Variants in RUNX1 observed in about 807,000 individuals in gnomAD.
The protein encoded by RUNX1 is runt-related transcription factor 1.
Under a neutral mutation model 42.8 loss-of-function variants are expected in RUNX1, and 19 were observed. The observed-to-expected ratio is 0.44, with a 90% CI of 0.31 to 0.65. The LOEUF (loss-of-function observed/expected upper bound fraction) is 0.65, where lower values mean the gene tolerates loss of function less well. RUNX1 is among the 30% of genes least tolerant of loss of function. The pLI, the probability that RUNX1 is intolerant of heterozygous loss-of-function variation, is 0.07. For missense variants in RUNX1, 528 were observed against 672.0 expected, an observed-to-expected ratio of 0.79 and a Z score of 2.37; for synonymous variants, 271 against 289.4, an observed-to-expected ratio of 0.94 and a Z score of 0.64.
At chr21:34,798,514 G>A (rs1439876531) in intron 8 of RUNX1, among the ~76,000 whole-genome samples, 2 of 151,996 alleles carry the variant, frequency 1.3e-5, no homozygotes, top group Admixed American at 1.3e-4. Context: ...TATGAACAGC[G>A]CTTAGTTGGA....
intron 5 of RUNX1, among the ~76,000 whole-genome samples, chr21:34,874,744 T>C (rs2057790471): frequency 6.7e-6 from 1 of 149,860 alleles, no homozygotes; most frequent in Admixed American, 6.7e-5. Context: ...TTCTCCACCC[T>C]CTCTTGCCCC....
At chr21:35,002,678 T>C (rs556336657) in intron 2 of RUNX1, among the ~76,000 whole-genome samples, 29 of 152,236 alleles carry the variant, frequency 1.9e-4, no homozygotes, top group Admixed American at 9.2e-4. Context: ...TCCATCTGCC[T>C]TGCCCTCCCA....
At chr21:34,951,802 T>G (rs1462690073) in intron 2 of RUNX1, among the ~76,000 whole-genome samples, 1 of 152,156 alleles carries the variant, frequency 6.6e-6, no homozygotes, top group Non-Finnish European at 1.5e-5. Context: ...GTTAAACCAT[T>G]GTGGAAGACA....
Position 34,791,699 on chromosome 21 carries a change from C to G in RUNX1, c.*436G>C, listed in dbSNP as rs369123316. 35 of 231,078 alleles carry G rather than the reference C, an allele frequency of 1.5e-4. No homozygotes were observed. The highest frequency in any genetic ancestry group is 4.3e-4 in the East Asian group (7 of 16,332). The allele number at this position is 231,078 out of a possible 1,614,324, so 14.3% of individuals were successfully genotyped here. On this transcript the variant is annotated 3_prime_UTR_variant, in exon 9 of 9. Transcript: ENST00000675419. ...GCGAGTTGCATCCCTCCTCTCCCCC[C>G]ACCCCAACCAAAATTCCACACTCTT...
chr21:34,941,512 A>G (rs1387497400), intron 2 of RUNX1, among the ~76,000 whole-genome samples: 2 of 152,246 alleles, frequency 1.3e-5, no homozygotes, highest in African/African-American at 4.8e-5. Context: ...CTACACAAAC[A>G]TGGGACCAAA....
rs1465999899 is a variant in RUNX1, at chr21:34,901,378, C to T, written c.59-8415G>A. Among the ~76,000 whole-genome samples, 4 of 151,894 alleles carry T rather than the reference C, an allele frequency of 2.6e-5. No individual in the cohort carries two copies. Among genetic ancestry groups the T allele is most frequent in the Non-Finnish European group, 5.9e-5 (4 of 67,982 alleles). ...TAAAAAAAGTAGCTGGGCGTGGTGG[C>T]GGCGCGTGCCTGTAGTCCCAGCTAC... On this transcript the variant is annotated intron_variant, in intron 2 of 8. Coordinates refer to ENST00000675419, the MANE Select transcript of RUNX1 (RefSeq NM_001754.5). The surrounding 1 kb of genome is among the most constrained non-coding windows in gnomAD (Gnocchi z 4.3).
chr21:34,819,121 T>G (rs775685284), intron 7 of RUNX1, among the ~76,000 whole-genome samples: 17 of 152,204 alleles, frequency 1.1e-4, no homozygotes, highest in Non-Finnish European at 2.1e-4. Flanking sequence ...AAGTTCAAAG[T>G]CACTGTAAGA....
intron 2 of RUNX1, among the ~76,000 whole-genome samples, chr21:34,929,810 A>T (rs981503956): frequency 6.6e-5 from 10 of 152,122 alleles, no homozygotes; most frequent in African/African-American, 2.4e-4. Context: ...TTTAACACAC[A>T]CATACAACTC....
intron 5 of RUNX1, among the ~76,000 whole-genome samples, chr21:34,865,748 C>T (rs2057652463): frequency 6.6e-6 from 1 of 152,196 alleles, no homozygotes; most frequent in Non-Finnish European, 1.5e-5. Flanking sequence ...TGGCCCAGCG[C>T]ACTCTCCACT....
In RUNX1 at chr21:34,901,437, C is replaced by T. The variant is rs1286913142; in HGVS notation, c.59-8474G>A. On this transcript the variant is annotated intron_variant, in intron 2 of 8. Coordinates refer to ENST00000675419, the MANE Select transcript of RUNX1 (RefSeq NM_001754.5). The surrounding 1 kb of genome is among the most constrained non-coding windows in gnomAD (Gnocchi z 4.3). ...CTAAGGCGGGAGAATCGCTTGAACT[C>T]GGAAGGCGGAGGTTGCAGTGAGCTG... Among the ~76,000 whole-genome samples, 4 of 152,160 alleles carry T rather than the reference C, an allele frequency of 2.6e-5. No individual in the cohort carries two copies. Among genetic ancestry groups the T allele is most frequent in the Admixed American group, 6.5e-5 (1 of 15,278 alleles).
rs1000736917 is a variant in RUNX1 at position 34,827,070 on chromosome 21, T to C, written c.805+7340A>G. Among the ~76,000 whole-genome samples the C allele has an allele frequency of 2.6e-5, 4 of 152,200 alleles. No homozygotes were observed. In the South Asian group the frequency reaches 8.3e-4, roughly 31 times the overall value. On this transcript the variant is annotated intron_variant, in intron 7 of 8. Coordinates refer to ENST00000675419, the MANE Select transcript of RUNX1 (RefSeq NM_001754.5). ...TAAGTGTATGTGACCAGAGTGCTGG[T>C]AGAATGCTGGTAAAGGCCATTCTGA... is the stretch of plus-strand genomic sequence containing the variant.
At chr21:34,842,924 C>T (rs750171234) in intron 6 of RUNX1, among the ~76,000 whole-genome samples, 25 of 152,018 alleles carry the variant, frequency 1.6e-4, no homozygotes, top group Non-Finnish European at 3.4e-4. Context: ...AAAAAGTAGC[C>T]GGGCATGGTG....
chr21:34,836,084 G>T (rs1022338614), intron 6 of RUNX1, among the ~76,000 whole-genome samples: 1 of 152,194 alleles, frequency 6.6e-6, no homozygotes, highest in Non-Finnish European at 1.5e-5. Context: ...AACGAGACCT[G>T]TTTGGCTCCA....
intron 2 of RUNX1, among the ~76,000 whole-genome samples, chr21:34,928,021 AG>A (rs1356621103): frequency 1.3e-5 from 2 of 152,246 alleles, no homozygotes; most frequent in Non-Finnish European, 2.9e-5. Flanking sequence ...GTTTAAAAAA[AG>A]TTCTCCAAGT....
intron 8 of RUNX1, among the ~76,000 whole-genome samples, chr21:34,799,085 C>G (rs2056571237): frequency 6.6e-6 from 1 of 152,212 alleles, no homozygotes; most frequent in East Asian, 1.9e-4. Flanking sequence ...TCTAAGGAAC[C>G]TACTTCTCCA....
At chr21:35,037,489 A>C (rs2059317215) in intron 2 of RUNX1, among the ~76,000 whole-genome samples, 1 of 152,192 alleles carries the variant, frequency 6.6e-6, no homozygotes, top group African/African-American at 2.4e-5. Context: ...CCTCCTGTCC[A>C]TGGGGCCTTG....
chr21:34,809,719 T>A (rs185978749), intron 7 of RUNX1, among the ~76,000 whole-genome samples: 51 of 152,238 alleles, frequency 3.4e-4, no homozygotes, highest in African/African-American at 1.2e-3. Context: ...ACCTGTGATA[T>A]CTCTGGCTAA....
intron 2 of RUNX1, among the ~76,000 whole-genome samples, chr21:34,930,496 T>C (rs935224968): frequency 6.6e-6 from 1 of 151,724 alleles, no homozygotes; most frequent in African/African-American, 2.4e-5. Context: ...CTGTGATCAA[T>C]TATTGATGTC....
intron 2 of RUNX1, among the ~76,000 whole-genome samples, chr21:34,929,105 G>GA (rs1419210984): frequency 1.1e-4 from 16 of 152,110 alleles, no homozygotes; most frequent in Non-Finnish European, 8.8e-5. Flanking sequence ...CTTGTCACCA[G>GA]AAAAATGGAA....
Sources: gnomAD v4.1 joint callset for allele counts (sites outside exome capture counted in the v4.1 genomes callset) on GRCh38, gnomAD v4.1.1 for gene constraint, Gnocchi (gnomAD v3.1) non-coding constraint, MANE v1.5 for transcripts, NCBI Gene and HGNC (gene_info 2026-07-23, HGNC 2026-07-21) for gene names.